The following WDR86 variants were observed in gnomAD, a reference collection of about 807,000 sequenced individuals.
WDR86 encodes WD repeat-containing protein 86.
A neutral mutation model predicts 36.5 loss-of-function variants in WDR86; 30 were observed. The observed-to-expected ratio is 0.82, with a 90% CI of 0.61 to 1.11. WDR86 has a LOEUF of 1.11. Ranked by LOEUF, WDR86 falls within the 50% of genes most tolerant of loss-of-function variation. The pLI is 0.00. For synonymous variants in WDR86, 255 were observed against 252.9 expected (o/e 1.01, Z -0.08); for missense variants, 545 against 561.2 (o/e 0.97, Z 0.29).
intron 1 of WDR86, among the ~76,000 whole-genome samples, chr7:151,407,269 T>C (rs1333250952): frequency 6.6e-6 from 1 of 151,932 alleles, no homozygotes; most frequent in East Asian, 1.9e-4. Flanking sequence ...CAAGCAGCCG[T>C]GAGGGTCACC....
chr7:151,404,495 C>A (rs1395407982), intron 1 of WDR86, among the ~76,000 whole-genome samples: 2 of 152,196 alleles, frequency 1.3e-5, no homozygotes, highest in Non-Finnish European at 2.9e-5. Context: ...TCCACTGACC[C>A]AGGCCTGCGG....
chr7:151,376,677 T>C, downstream of WDR86: 2 of 1,611,596 alleles, frequency 1.2e-6, no homozygotes, highest in South Asian at 1.1e-5. Flanking sequence ...GAAGCTGCGC[T>C]GAGAGTGTTC....
At position 151,398,216 on chromosome 7, in the gene WDR86, TTG is replaced by T. The variant is rs1292401117; in HGVS notation, c.305+1882_305+1883del. On this transcript the variant is annotated intron_variant, in intron 2 of 5. Coordinates refer to ENST00000334493, the MANE Select transcript of WDR86 (RefSeq NM_198285.3). Reference sequence around the variant, plus strand: ...GTGTATGTTTTGTTGCTTGTGTAAGTTGTGTGTCTATGTGTGTGCATGTGTGT... The same window carrying T: ...GTGTATGTTTTGTTGCTTGTGTAAGTTGTGTCTATGTGTGTGCATGTGTGT... 6.6e-5 allele frequency among the ~76,000 whole-genome samples: 10 copies of T among 152,084 alleles called. No homozygotes were observed. The South Asian group carries it at 1.2e-3, about 19-fold the overall frequency.
intron 1 of WDR86, among the ~76,000 whole-genome samples, chr7:151,404,377 A>T (rs1211096993): frequency 6.6e-6 from 1 of 151,936 alleles, no homozygotes; most frequent in African/African-American, 2.4e-5. Context: ...GTTTCTAAGC[A>T]CTCACCCACA....
intron 2 of WDR86, among the ~76,000 whole-genome samples, chr7:151,397,740 G>C: frequency 1.3e-5 from 2 of 148,522 alleles, no homozygotes; most frequent in African/African-American, 2.5e-5. Context: ...GGTGTAGCGG[G>C]AGGAAGAGGG....
At chr7:151,408,579 G>A (rs546018736) in intron 1 of WDR86, 2 of 215,424 alleles carry the variant, frequency 9.3e-6, no homozygotes, top group South Asian at 1.6e-4. Context: ...AGGCCTGGGC[G>A]AGGCCACAGA....
chr7:151,394,145 C>T (rs1365012231), intron 3 of WDR86, among the ~76,000 whole-genome samples: 1 of 152,184 alleles, frequency 6.6e-6, no homozygotes, highest in African/African-American at 2.4e-5. Context: ...TCTCCCAAGC[C>T]CCTCATCTCG....
In WDR86 at chr7:151,396,174, G is replaced by C. The variant is rs751563312; in HGVS notation, c.328C>G (p.Leu110Val). ...GTCCGGTCATAGGAGCTGCTGAAGA[G>C]CTGGTTGTTGGCAACCAGGATCCTG... ...VNRILVANNQ[L>V]FSSSYDRTAR... is the part of the protein sequence containing the mutation. Residue 110 changes from leucine (L) to valine (V), a missense_variant, in exon 3 of 6, where the codon CTC becomes GTC. By Grantham distance (32) the Leu-to-Val change is conservative (BLOSUM62 1). Transcript: ENST00000334493. The C allele has an allele frequency of 6.2e-7, 1 of 1,612,924 alleles. No homozygotes were observed.
chr7:151,400,009 C>G (rs546928665), intron 2 of WDR86, 91 bp downstream of exon 2: 1 of 1,291,800 alleles, frequency 7.7e-7, no homozygotes, highest in African/African-American at 1.5e-5. Flanking sequence ...GCCAAGGGCC[C>G]TCACGTGCAG....
intron 1 of WDR86, among the ~76,000 whole-genome samples, chr7:151,408,036 G>A (rs948679087): frequency 6.6e-6 from 1 of 152,042 alleles, no homozygotes; most frequent in African/African-American, 2.4e-5. Flanking sequence ...ATTCCTGGTT[G>A]AATGCCTATA....
At chr7:151,395,553 G>A (rs937691428) in intron 3 of WDR86, among the ~76,000 whole-genome samples, 3 of 151,528 alleles carry the variant, frequency 2.0e-5, no homozygotes, top group African/African-American at 7.3e-5. Flanking sequence ...ACAGGGAGAA[G>A]GCAGCATCTG....
chr7:151,404,437 C>T (rs922054700), intron 1 of WDR86, among the ~76,000 whole-genome samples: 10 of 152,296 alleles, frequency 6.6e-5, no homozygotes, highest in African/African-American at 2.4e-4. Context: ...GCCAACAGAG[C>T]ATGTCCCCAA....
intron 4 of WDR86, 122 bp from the exon 5 acceptor site, chr7:151,382,103 G>T: frequency 5.0e-6 from 4 of 799,306 alleles, no homozygotes; most frequent in Non-Finnish European, 8.1e-6. Context: ...GTATCCTGAG[G>T]CTCATATGGG....
intron 2 of WDR86, among the ~76,000 whole-genome samples, chr7:151,399,077 TGAGGAAGGCCGGG>T (rs1488377288): frequency 6.6e-6 from 1 of 152,188 alleles, no homozygotes; most frequent in African/African-American, 2.4e-5. Flanking sequence ...CTGCTTCAGC[TGAGGAAGGCCGGG>T]GCCAGACGGC....
intron 2 of WDR86, among the ~76,000 whole-genome samples, chr7:151,398,229 T>C (rs1800012656): frequency 6.6e-6 from 1 of 152,130 alleles, no homozygotes. Flanking sequence ...TGTGTCTATG[T>C]GTGTGCATGT....
chr7:151,369,724 A>G, the WDR86 span, among the ~76,000 whole-genome samples: 1 of 152,202 alleles, frequency 6.6e-6, no homozygotes, highest in Admixed American at 6.5e-5. Context: ...TTGCCAAAAC[A>G]AGAAGTTGGT....
chr7:151,373,030 T>C (rs560200496), downstream of WDR86, among the ~76,000 whole-genome samples: 1 of 152,260 alleles, frequency 6.6e-6, no homozygotes, highest in African/African-American at 2.4e-5. Context: ...TGGAGTCTGG[T>C]TCCACAATGA....
intron 3 of WDR86, among the ~76,000 whole-genome samples, 191 bp downstream of exon 3, chr7:151,395,585 G>A (rs1004461380): frequency 2.0e-4 from 31 of 151,932 alleles, no homozygotes; most frequent in African/African-American, 7.0e-4. Context: ...GAGGCCTCAC[G>A]GAAACCAGTA....
At chr7:151,396,270 A>G (rs1799819181) in intron 2 of WDR86, 74 bp from the exon 3 acceptor site, 2 of 1,538,660 alleles carry the variant, frequency 1.3e-6, no homozygotes, top group South Asian at 1.1e-5. Context: ...CCGACATGCC[A>G]TGCTCGGCAC....
Sources: allele counts gnomAD v4.1 joint callset (sites outside exome capture counted in the v4.1 genomes callset), GRCh38; gene constraint gnomAD v4.1.1; transcripts MANE v1.5; gene names NCBI Gene and HGNC (gene_info 2026-07-23, HGNC 2026-07-21).